Variants in GHR observed in about 807,000 individuals in gnomAD.
The protein encoded by GHR is GH receptor.
GHR carries 35 observed loss-of-function variants against 67.1 expected under a neutral mutation model. The observed-to-expected ratio is 0.52, with a 90% CI of 0.40 to 0.69. The LOEUF is 0.69. Ranked by LOEUF, GHR falls within the 30% of genes least tolerant of loss-of-function variation. GHR has a pLI of 0.00. For missense variants in GHR, 792 were observed against 764.6 expected (o/e 1.04, Z -0.42); for synonymous variants, 272 against 269.1 (o/e 1.01, Z -0.10).
At chr5:42,593,321 C>T (rs538848836) in intron 2 of GHR, among the ~76,000 whole-genome samples, 17 of 152,154 alleles carry the variant, frequency 1.1e-4, no homozygotes, top group African/African-American at 4.1e-4. Context: ...TTTTATTTTG[C>T]TTTCTATGTT....
intron 1 of GHR, among the ~76,000 whole-genome samples, chr5:42,538,603 T>C (rs1003953256): frequency 5.3e-5 from 8 of 152,196 alleles, no homozygotes; most frequent in African/African-American, 1.7e-4. Context: ...TCACAGCTCT[T>C]AGAATTCTTT....
intron 1 of GHR, among the ~76,000 whole-genome samples, chr5:42,528,041 G>A (rs1300001925): frequency 6.6e-6 from 1 of 152,156 alleles, no homozygotes; most frequent in East Asian, 1.9e-4. Flanking sequence ...CATTGAGAAA[G>A]CACCCAGTGA....
intron 2 of GHR, among the ~76,000 whole-genome samples, chr5:42,628,528 G>A (rs1395481660): frequency 7.6e-6 from 1 of 132,026 alleles, no homozygotes; most frequent in Non-Finnish European, 1.6e-5. Context: ...CTCTGAAAAG[G>A]CAGGATGTCT....
At chr5:42,571,293 G>A (rs770643904) in intron 2 of GHR, among the ~76,000 whole-genome samples, 1 of 152,180 alleles carries the variant, frequency 6.6e-6, no homozygotes, top group Non-Finnish European at 1.5e-5. Flanking sequence ...CCTGGGTCCT[G>A]CAGCTGTCTG....
intron 3 of GHR, among the ~76,000 whole-genome samples, chr5:42,679,021 AT>A (rs1310565793): frequency 6.8e-6 from 1 of 146,382 alleles, no homozygotes; most frequent in Non-Finnish European, 1.5e-5. Context: ...ATTAATTCAT[AT>A]TAACTTATAT....
At chr5:42,693,232 C>A (rs149846645) in intron 4 of GHR, among the ~76,000 whole-genome samples, 24 of 151,828 alleles carry the variant, frequency 1.6e-4, no homozygotes, top group African/African-American at 5.8e-4. Context: ...TTGCCTCCTG[C>A]GTTCAAGCAA....
At chr5:42,666,091 G>A (rs373562114) in intron 3 of GHR, among the ~76,000 whole-genome samples, 18 of 152,128 alleles carry the variant, frequency 1.2e-4, no homozygotes, top group African/African-American at 2.2e-4. Flanking sequence ...ACAATTTGCC[G>A]ATTCAGCAAC....
chr5:42,468,612 C>A (rs530664419), intron 1 of GHR: 4 of 1,042,186 alleles, frequency 3.8e-6, no homozygotes, highest in Non-Finnish European at 5.8e-6. Flanking sequence ...ACCACGCCAA[C>A]GCTGGAGGGC....
At chr5:42,716,671 T>A (rs1342634597) in intron 8 of GHR, among the ~76,000 whole-genome samples, 1 of 152,262 alleles carries the variant, frequency 6.6e-6, no homozygotes, top group Non-Finnish European at 1.5e-5. Context: ...TAATAATTTG[T>A]ATTACTTATT....
intron 1 of GHR, among the ~76,000 whole-genome samples, chr5:42,474,297 G>GAAAGAAAGAAAGAAAGA (rs1745169188): frequency 8.1e-6 from 1 of 124,176 alleles, no homozygotes; most frequent in African/African-American, 3.2e-5. Context: ...AAGAGAAAGA[G>GAAAGAAAGAAAGAAAGA]AAAGAAAGAA....
chr5:42,623,099 G>T (rs1205359015), intron 2 of GHR, among the ~76,000 whole-genome samples: 2 of 152,134 alleles, frequency 1.3e-5, no homozygotes, highest in African/African-American at 4.8e-5. Context: ...CAATAACAAT[G>T]ATAAGCATAT....
intron 1 of GHR, among the ~76,000 whole-genome samples, chr5:42,521,481 G>T (rs1395093306): frequency 6.6e-6 from 1 of 152,128 alleles, no homozygotes; most frequent in Non-Finnish European, 1.5e-5. Flanking sequence ...AGCTGCACTG[G>T]CTTTCAGATA....
intron 1 of GHR, among the ~76,000 whole-genome samples, chr5:42,477,206 A>G (rs1364529306): frequency 1.3e-5 from 2 of 152,094 alleles, no homozygotes; most frequent in Non-Finnish European, 2.9e-5. Context: ...TACAAAGGAC[A>G]TGAACTCATC....
chr5:42,478,392 T>G (rs1028138079), intron 1 of GHR, among the ~76,000 whole-genome samples: 1 of 152,150 alleles, frequency 6.6e-6, no homozygotes, highest in Non-Finnish European at 1.5e-5. Context: ...CATATGAACT[T>G]TAAAGTAGTT....
chr5:42,679,403 G>T (rs1756744302), intron 3 of GHR, among the ~76,000 whole-genome samples: 1 of 151,482 alleles, frequency 6.6e-6, no homozygotes, highest in African/African-American at 2.4e-5. Context: ...GAGGTGGGTG[G>T]ATCCCGAGGT....
chr5:42,656,485 C>T (rs1755262587), intron 3 of GHR, among the ~76,000 whole-genome samples: 1 of 152,126 alleles, frequency 6.6e-6, no homozygotes, highest in South Asian at 2.1e-4. Context: ...TATCTTGCAA[C>T]ATCACCTCTA....
intron 1 of GHR, among the ~76,000 whole-genome samples, chr5:42,436,064 T>TG (rs1283696588): frequency 6.6e-6 from 1 of 152,160 alleles, no homozygotes; most frequent in Non-Finnish European, 1.5e-5. Context: ...CCCTGAACAT[T>TG]GGTATAAAAC....
chr5:42,701,043 C>G (rs186223986), intron 6 of GHR, among the ~76,000 whole-genome samples: 60 of 152,324 alleles, frequency 3.9e-4, no homozygotes, highest in Non-Finnish European at 7.2e-4. Context: ...GCAGAAGGCA[C>G]TGTGCTAAAT....
chr5:42,476,124 T>TC (rs1745302382), intron 1 of GHR, among the ~76,000 whole-genome samples: 1 of 151,998 alleles, frequency 6.6e-6, no homozygotes, highest in African/African-American at 2.4e-5. Context: ...CAGGATGGTC[T>TC]GATCTCCTGA....
Sources: gnomAD v4.1 joint callset for allele counts (sites outside exome capture counted in the v4.1 genomes callset) on GRCh38, gnomAD v4.1.1 for gene constraint, MANE v1.5 for transcripts, NCBI Gene and HGNC (gene_info 2026-07-23, HGNC 2026-07-21) for gene names.